CADM2: variants seen among roughly 807,000 people sequenced by gnomAD.
CADM2 encodes immunoglobulin superfamily member 4D.
In CADM2, 12 loss-of-function variants were observed where a neutral mutation model predicts 49.8. That is an observed-to-expected ratio of 0.24 (90% confidence interval 0.15 to 0.39). The LOEUF (loss-of-function observed/expected upper bound fraction) is 0.39. Among genes scored for constraint, CADM2 ranks in the 10% least tolerant of loss-of-function variants. The pLI is 1.00. For synonymous variants in CADM2, 214 were observed against 175.4 expected (o/e 1.22, Z -1.74); for missense variants, 378 against 492.3 (o/e 0.77, Z 2.20).
At chr3:85,796,297 G>A (rs945452216) in intron 2 of CADM2, among the ~76,000 whole-genome samples, 3 of 152,072 alleles carry the variant, frequency 2.0e-5, no homozygotes, top group African/African-American at 7.2e-5. Context: ...CTAATCTCTG[G>A]TAATTATTTC....
intron 1 of CADM2, among the ~76,000 whole-genome samples, chr3:85,548,757 C>G (rs1237645475): frequency 2.0e-5 from 3 of 152,164 alleles, no homozygotes; most frequent in African/African-American, 4.8e-5. Flanking sequence ...TAGAGCTTTA[C>G]TTCCTTGCTT....
In CADM2 at chr3:85,601,161, TATATATATATATACAC is replaced by T. The variant is rs1305178849; in HGVS notation, c.62-125359_62-125344del. ...ATATATATATATATATATATATATA[TATATATATATATACAC>T]ACACACACACACATACATGTCATTT... On this transcript the variant is annotated intron_variant, in intron 1 of 9. Transcript: ENST00000383699. 5.7e-3 allele frequency among the ~76,000 whole-genome samples: 432 copies of T among 75,702 alleles called. 4 individuals carry two copies. The highest frequency in any genetic ancestry group is 0.026 in the South Asian group (51 of 1,982). 49.7% of individuals were successfully genotyped at this position (75,702 alleles called of 152,430 possible).
chr3:85,989,705 C>CTACAAGTCTATAATACA (rs1728523170), intron 8 of CADM2, among the ~76,000 whole-genome samples: 1 of 151,990 alleles, frequency 6.6e-6, no homozygotes, highest in Non-Finnish European at 1.5e-5. Flanking sequence ...GGCATACATA[C>CTACAAGTCTATAATACA]TACAAGTCTA....
chr3:85,440,846 A>G (rs989613274), intron 1 of CADM2, among the ~76,000 whole-genome samples: 2 of 152,038 alleles, frequency 1.3e-5, no homozygotes, highest in African/African-American at 2.4e-5. Flanking sequence ...GCCGGGCATG[A>G]TGGCAGGTGC....
At chr3:85,150,744 A>G (rs1437751608) in intron 1 of CADM2, among the ~76,000 whole-genome samples, 2 of 151,418 alleles carry the variant, frequency 1.3e-5, no homozygotes, top group East Asian at 2.0e-4. Flanking sequence ...CTACTAAAAA[A>G]AAAAGGAAAA....
At chr3:85,713,047 A>T (rs1386788473) in intron 1 of CADM2, among the ~76,000 whole-genome samples, 1 of 152,134 alleles carries the variant, frequency 6.6e-6, no homozygotes, top group East Asian at 1.9e-4. Flanking sequence ...AACATTTGTT[A>T]TTATGCCTTA....
chr3:85,920,341 A>AT (rs1718940762), intron 6 of CADM2, among the ~76,000 whole-genome samples: 1 of 151,796 alleles, frequency 6.6e-6, no homozygotes, highest in Non-Finnish European at 1.5e-5. Context: ...TTTGGGTTAC[A>AT]TTTTTTTAGA....
chr3:85,788,700 A>G (rs1177521828), intron 2 of CADM2, among the ~76,000 whole-genome samples: 1 of 151,956 alleles, frequency 6.6e-6, no homozygotes, highest in South Asian at 2.1e-4. Flanking sequence ...ATTTGGAATT[A>G]GGAAAAACCA....
chr3:85,194,868 TA>T (rs953917105), intron 1 of CADM2, among the ~76,000 whole-genome samples: 15 of 151,358 alleles, frequency 9.9e-5, no homozygotes, highest in Admixed American at 5.9e-4. Flanking sequence ...CAACAAATAT[TA>T]AAAAAAAATC....
chr3:86,025,430 G>A (rs966816061), intron 8 of CADM2, among the ~76,000 whole-genome samples: 7 of 148,146 alleles, frequency 4.7e-5, no homozygotes, highest in African/African-American at 1.8e-4. Flanking sequence ...TATCTTCTAA[G>A]GACTTTTTTT....
intron 8 of CADM2, among the ~76,000 whole-genome samples, chr3:86,005,038 A>G (rs939890108): frequency 3.3e-5 from 5 of 152,136 alleles, no homozygotes; most frequent in Non-Finnish European, 7.4e-5. Context: ...AGCAAGAGTC[A>G]TGTCTTGCTC....
chr3:85,475,473 G>A (rs562341819), intron 1 of CADM2, among the ~76,000 whole-genome samples: 9 of 151,806 alleles, frequency 5.9e-5, no homozygotes, highest in Non-Finnish European at 1.2e-4. Context: ...TCATTTATGG[G>A]AATAAATTTT....
At chr3:85,657,251 T>C in intron 1 of CADM2, among the ~76,000 whole-genome samples, 1 of 152,190 alleles carries the variant, frequency 6.6e-6, no homozygotes, top group Non-Finnish European at 1.5e-5. Flanking sequence ...ATGTGAATAA[T>C]TATTTTCACT....
At chr3:85,405,273 T>C (rs1325574924) in intron 1 of CADM2, among the ~76,000 whole-genome samples, 1 of 152,138 alleles carries the variant, frequency 6.6e-6, no homozygotes, top group African/African-American at 2.4e-5. Flanking sequence ...TGACCTAGCA[T>C]TATTGATTGA....
intron 1 of CADM2, among the ~76,000 whole-genome samples, chr3:85,404,898 A>G (rs116230794): frequency 0.014 from 2,101 of 152,310 alleles, 47 homozygotes; most frequent in African/African-American, 0.048. Flanking sequence ...GACCAAAACA[A>G]ATAATAAAGT....
intron 1 of CADM2, among the ~76,000 whole-genome samples, chr3:85,344,221 A>C: frequency 7.0e-6 from 1 of 143,662 alleles, no homozygotes; most frequent in South Asian, 2.1e-4. Context: ...TAAAAATACA[A>C]AAAAAAAAAA....
At chr3:85,779,039 T>G (rs2070497980) in intron 2 of CADM2, among the ~76,000 whole-genome samples, 1 of 152,170 alleles carries the variant, frequency 6.6e-6, no homozygotes, top group Admixed American at 6.6e-5. Flanking sequence ...TAATTGATGT[T>G]AAATCTAGGG....
At chr3:86,013,733 T>G in intron 8 of CADM2, 1 of 1,594,386 alleles carries the variant, frequency 6.3e-7, no homozygotes. Flanking sequence ...GTTTTCTGCC[T>G]TATGAAGCTG....
chr3:85,821,625 T>C (rs939320355), intron 3 of CADM2, among the ~76,000 whole-genome samples: 3 of 152,150 alleles, frequency 2.0e-5, no homozygotes, highest in African/African-American at 7.2e-5. Flanking sequence ...CAGGAACTGT[T>C]TTATCTTCTA....
Sources: gnomAD v4.1 joint callset for allele counts (sites outside exome capture counted in the v4.1 genomes callset) on GRCh38, gnomAD v4.1.1 for gene constraint, MANE v1.5 for transcripts, NCBI Gene and HGNC (gene_info 2026-07-23, HGNC 2026-07-21) for gene names.